The following TAMM41 variants were observed in gnomAD, a reference collection of about 807,000 sequenced individuals.
TAMM41 encodes TAM41 mitochondrial translocator assembly and maintenance homolog, also known as phosphatidate cytidylyltransferase, mitochondrial.
Under a neutral mutation model 44.1 loss-of-function variants are expected in TAMM41, and 36 were observed. That is an observed-to-expected ratio of 0.82 (90% CI 0.63 to 1.08). The LOEUF (loss-of-function observed/expected upper bound fraction) is 1.08, where lower values mean the gene tolerates loss of function less well. TAMM41 is among the 50% of genes least tolerant of loss of function. The pLI is 0.00. For missense variants in TAMM41, 417 were observed against 404.3 expected, an observed-to-expected ratio of 1.03 and a Z score of -0.27; for synonymous variants, 164 against 153.1, an observed-to-expected ratio of 1.07 and a Z score of -0.53.
intron 5 of TAMM41, among the ~76,000 whole-genome samples, chr3:11,810,437 G>A (rs1387236464): frequency 6.6e-6 from 1 of 152,194 alleles, no homozygotes; most frequent in African/African-American, 2.4e-5. Context: ...TAGCCACAGA[G>A]CTGAGGCCAG....
chr3:11,831,162 G>A lies in TAMM41; in HGVS notation c.412-1298C>T, dbSNP rs115432688. Among the ~76,000 whole-genome samples, 1,006 of 152,254 alleles carry A rather than the reference G, an allele frequency of 6.6e-3. 8 individuals carry two copies. Among genetic ancestry groups the A allele is most frequent in the African/African-American group, 0.023 (959 of 41,536 alleles). On this transcript the variant is annotated intron_variant, in intron 3 of 7. Coordinates refer to ENST00000455809, the MANE Select transcript of TAMM41 (RefSeq NM_001284401.2). ...AAGGCAAGAGCTTCTCTGGGCCAGC[G>A]GTTCTCATCTTTAGCTAGCATTAGC...
chr3:11,790,399 G>A, downstream of TAMM41: 1 of 1,047,170 alleles, frequency 9.5e-7, no homozygotes, highest in Non-Finnish European at 1.5e-6. Context: ...TGCAAACCAG[G>A]GTATCTTTGA....
chr3:11,803,209 T>C (rs904892193), intron 7 of TAMM41, among the ~76,000 whole-genome samples: 12 of 151,972 alleles, frequency 7.9e-5, no homozygotes, highest in Non-Finnish European at 1.8e-4. Flanking sequence ...GAGGCAGAGG[T>C]TGCTGCGAGC....
In TAMM41 at chr3:11,819,712, T is replaced by A. The variant is rs59441405; in HGVS notation, c.563-2375A>T. Reference sequence around the variant, plus strand: ...GAGTTCGAGACCAGCCTGGGCAACATAGCGAGACTCTGTCTCTATGTAATT... The same window carrying A: ...GAGTTCGAGACCAGCCTGGGCAACAAAGCGAGACTCTGTCTCTATGTAATT... On this transcript the variant is annotated intron_variant, in intron 4 of 7. Transcript: ENST00000455809. 2.0e-5 allele frequency among the ~76,000 whole-genome samples: 3 copies of A among 151,530 alleles called. No homozygotes were observed. The East Asian group carries it at 5.8e-4, about 29-fold the overall frequency.
the TAMM41 span, among the ~76,000 whole-genome samples, chr3:11,752,174 G>A: frequency 2.0e-5 from 3 of 152,112 alleles, no homozygotes; most frequent in East Asian, 1.9e-4. Flanking sequence ...TGGTGTGTCC[G>A]GAGTTTCTTC....
chr3:11,821,401 T>G (rs1404861699), intron 4 of TAMM41, among the ~76,000 whole-genome samples: 4 of 152,208 alleles, frequency 2.6e-5, no homozygotes, highest in African/African-American at 9.6e-5. Context: ...GCCTGCAACC[T>G]AGATTCCTCA....
Position 11,829,866 on chromosome 3 carries a change from T to G in TAMM41, c.412-2A>C, listed in dbSNP as rs1433113046. 1 of 1,613,782 alleles carries G rather than the reference T, an allele frequency of 6.2e-7. No individual in the cohort carries two copies. The highest frequency in any genetic ancestry group is 8.5e-7 in the Non-Finnish European group (1 of 1,179,922). ...CTCGTTCACTGAGATAATTTTCACCTGAAAGAAGCAGAACATTGGGAAGAA... is the reference window on the plus strand; with the variant it reads ...CTCGTTCACTGAGATAATTTTCACCGGAAAGAAGCAGAACATTGGGAAGAA... On this transcript the variant is annotated splice_acceptor_variant, in intron 3 of 7. Transcript: ENST00000455809. LOFTEE classifies it high-confidence loss of function.
chr3:11,760,211 G>A, the TAMM41 span, among the ~76,000 whole-genome samples: 1 of 152,124 alleles, frequency 6.6e-6, no homozygotes, highest in Non-Finnish European at 1.5e-5. Context: ...CCAAAGCCTG[G>A]AGGCCAATCT....
chr3:11,793,374 G>C (rs549801580), intron 7 of TAMM41, among the ~76,000 whole-genome samples: 2 of 152,184 alleles, frequency 1.3e-5, no homozygotes, highest in African/African-American at 4.8e-5. Flanking sequence ...GGCATTCAGG[G>C]AGGTGCTGCA....
chr3:11,765,703 ATT>A, the TAMM41 span, among the ~76,000 whole-genome samples: 142 of 142,200 alleles, frequency 1.0e-3, 1 homozygote, highest in Middle Eastern at 3.5e-3. Flanking sequence ...TGGAGTCAAA[ATT>A]TTTTTTTTTT....
At chr3:11,752,066 G>A in the TAMM41 span, among the ~76,000 whole-genome samples, 1 of 152,176 alleles carries the variant, frequency 6.6e-6, no homozygotes, top group Non-Finnish European at 1.5e-5. Context: ...CAAGGTCATT[G>A]TGTGTCCGGA....
At chr3:11,790,685 G>T in intron 7 of TAMM41, 104 bp from the exon 8 acceptor site, 1 of 993,298 alleles carries the variant, frequency 1.0e-6, no homozygotes, top group Non-Finnish European at 1.6e-6. Flanking sequence ...GGAGGGCAGT[G>T]AGGGGCTGAC....
intron 7 of TAMM41, among the ~76,000 whole-genome samples, chr3:11,804,286 T>C (rs959215149): frequency 3.9e-5 from 6 of 152,062 alleles, no homozygotes; most frequent in African/African-American, 1.4e-4. Flanking sequence ...AGAGAAAAAT[T>C]CAAACTTAAA....
the TAMM41 span, among the ~76,000 whole-genome samples, chr3:11,722,237 C>T: frequency 2.0e-5 from 3 of 152,058 alleles, no homozygotes; most frequent in Non-Finnish European, 2.9e-5. Context: ...AGTCTTCGAC[C>T]TTTGCAAGGA....
chr3:11,812,931 A>C (rs1384544857), intron 5 of TAMM41, among the ~76,000 whole-genome samples: 1 of 152,174 alleles, frequency 6.6e-6, no homozygotes, highest in East Asian at 1.9e-4. Context: ...GATGAGTCTC[A>C]GTTGCAGCCT....
At chr3:11,844,386 GTAA>G (rs2079580935) in intron 1 of TAMM41, among the ~76,000 whole-genome samples, 175 bp from the exon 2 acceptor site, 1 of 152,230 alleles carries the variant, frequency 6.6e-6, no homozygotes, top group Admixed American at 6.5e-5. Flanking sequence ...TTTCATCAAT[GTAA>G]TAATAGCAAA....
chr3:11,799,596 A>G (rs1422398541), intron 7 of TAMM41, among the ~76,000 whole-genome samples: 2 of 152,202 alleles, frequency 1.3e-5, no homozygotes, highest in Non-Finnish European at 2.9e-5. Flanking sequence ...GACTTCCACA[A>G]TGCAATGTGG....
chr3:11,735,653 A>G, the TAMM41 span, among the ~76,000 whole-genome samples: 3 of 152,172 alleles, frequency 2.0e-5, no homozygotes, highest in African/African-American at 7.2e-5. Flanking sequence ...AACAAAAAAG[A>G]AAGTAAATAT....
At chr3:11,833,839 A>G (rs542513841) in intron 3 of TAMM41, among the ~76,000 whole-genome samples, 1 of 152,332 alleles carries the variant, frequency 6.6e-6, no homozygotes, top group South Asian at 2.1e-4. Flanking sequence ...ATTAATCAAC[A>G]AAGCTGCAAT....
Sources: gnomAD v4.1 joint callset for allele counts (sites outside exome capture counted in the v4.1 genomes callset) on GRCh38, gnomAD v4.1.1 for gene constraint, MANE v1.5 for transcripts, NCBI Gene and HGNC (gene_info 2026-07-23, HGNC 2026-07-21) for gene names.